GRIP1: variants seen among roughly 807,000 people sequenced by gnomAD.
GRIP1 encodes the protein glutamate receptor-interacting protein 1.
GRIP1 carries 45 observed loss-of-function variants against 129.9 expected under a neutral mutation model. That is an observed-to-expected ratio of 0.35 (90% CI 0.27 to 0.44). The LOEUF is 0.44. Ranked by LOEUF, GRIP1 falls within the 20% of genes least tolerant of loss-of-function variation. The pLI, the probability that GRIP1 is intolerant of heterozygous loss-of-function variation, is 1.00. For synonymous variants in GRIP1, 530 were observed against 520.8 expected (o/e 1.02, Z -0.24); for missense variants, 1,196 against 1,396.8 (o/e 0.86, Z 2.29).
At chr12:66,469,981 T>G (rs1023169509) in intron 7 of GRIP1, among the ~76,000 whole-genome samples, 1 of 152,160 alleles carries the variant, frequency 6.6e-6, no homozygotes, top group East Asian at 1.9e-4. Context: ...CATCCCTGGC[T>G]CCATCTTCTC....
Position 66,970,581 on chromosome 12 carries a change from C to T in GRIP1, c.58+98469G>A, listed in dbSNP as rs1434677961. Among the ~76,000 whole-genome samples, 4 of 131,664 alleles carry T rather than the reference C, an allele frequency of 3.0e-5. No individual in the cohort carries two copies. In the Admixed American group the frequency reaches 3.2e-4, roughly 11 times the overall value. 86.4% of individuals were successfully genotyped at this position (131,664 alleles called of 152,430 possible). Reference sequence around the variant, plus strand: ...TTTCATCTCTCCTGTTGTCTTTGGACTTTCCTGAGACCCCCTCTCCTTGGC... The same window carrying T: ...TTTCATCTCTCCTGTTGTCTTTGGATTTTCCTGAGACCCCCTCTCCTTGGC... On this transcript the variant is annotated intron_variant, in intron 1 of 1. Coordinates refer to the GRIP1 transcript ENST00000643019.
At chr12:66,368,054 C>T (rs542173618) in intron 23 of GRIP1, among the ~76,000 whole-genome samples, 11 of 152,250 alleles carry the variant, frequency 7.2e-5, no homozygotes, top group Non-Finnish European at 1.2e-4. Context: ...TGAGTGAAAA[C>T]CCTTTAGATT....
intron 11 of GRIP1, among the ~76,000 whole-genome samples, chr12:66,453,282 C>A (rs552871028): frequency 6.6e-6 from 1 of 152,296 alleles, no homozygotes; most frequent in South Asian, 2.1e-4. Flanking sequence ...CTAACACAAA[C>A]AAATACTAGC....
chr12:66,361,207 C>T (rs1449300428), intron 23 of GRIP1, among the ~76,000 whole-genome samples: 1 of 152,166 alleles, frequency 6.6e-6, no homozygotes, highest in African/African-American at 2.4e-5. Flanking sequence ...GGTCAGAAGG[C>T]AGCTGCTGCC....
intron 1 of GRIP1, among the ~76,000 whole-genome samples, chr12:67,019,870 G>A (rs901213958): frequency 1.3e-5 from 2 of 151,870 alleles, no homozygotes; most frequent in African/African-American, 4.8e-5. Flanking sequence ...CCCGAAATAA[G>A]AGAAATCATT....
chr12:66,419,506 T>C (rs2057728263), intron 15 of GRIP1, among the ~76,000 whole-genome samples: 2 of 152,304 alleles, frequency 1.3e-5, no homozygotes, highest in Admixed American at 1.3e-4. Flanking sequence ...GTACCCTATT[T>C]TCCATGATGT....
In GRIP1 at chr12:66,601,495, T is replaced by C. The variant is rs367898074; in HGVS notation, c.56-4568A>G. 9.2e-5 allele frequency among the ~76,000 whole-genome samples: 14 copies of C among 152,290 alleles called. No individual in the cohort carries two copies. The East Asian group carries it at 2.5e-3, about 27-fold the overall frequency. On this transcript the variant is annotated intron_variant, in intron 1 of 24. Transcript: ENST00000359742. ...CTGGGCTATGCAGAGGCACCCGATA[T>C]GAATATGGTTTCAGGAATCTCTAGC...
At chr12:66,932,668 TTTTTG>T (rs1047543118) in intron 1 of GRIP1, among the ~76,000 whole-genome samples, 5 of 151,932 alleles carry the variant, frequency 3.3e-5, no homozygotes, top group Admixed American at 2.6e-4. Flanking sequence ...ATGTTTTTTG[TTTTTG>T]TTTTTTGTTT....
At chr12:66,629,761 A>G (rs1004382310) in intron 1 of GRIP1, among the ~76,000 whole-genome samples, 1 of 152,244 alleles carries the variant, frequency 6.6e-6, no homozygotes, top group Non-Finnish European at 1.5e-5. Flanking sequence ...CTTTAAATAT[A>G]CATAGAGCCT....
At chr12:66,394,052 T>G (rs541275728) in intron 17 of GRIP1, among the ~76,000 whole-genome samples, 156 bp downstream of exon 17, 8 of 152,340 alleles carry the variant, frequency 5.3e-5, no homozygotes, top group African/African-American at 1.9e-4. Flanking sequence ...AAGTCGGAAC[T>G]CTGCCTGAGA....
At chr12:66,866,930 C>G (rs983908722) in intron 1 of GRIP1, among the ~76,000 whole-genome samples, 1 of 152,076 alleles carries the variant, frequency 6.6e-6, no homozygotes, top group Admixed American at 6.6e-5. Flanking sequence ...TAAGTATACA[C>G]AATTTTATCT....
chr12:66,646,918 T>C (rs929251374), intron 1 of GRIP1, among the ~76,000 whole-genome samples: 2 of 152,206 alleles, frequency 1.3e-5, no homozygotes, highest in Non-Finnish European at 2.9e-5. Flanking sequence ...TGTAGACCTC[T>C]CTATTCTCAC....
chr12:66,495,027 A>G (rs999175071), intron 7 of GRIP1, among the ~76,000 whole-genome samples: 5 of 152,190 alleles, frequency 3.3e-5, no homozygotes, highest in African/African-American at 1.2e-4. Flanking sequence ...GGTACCTTGT[A>G]CGATGCTTGT....
At chr12:66,600,964 A>G (rs758353139) in intron 1 of GRIP1, among the ~76,000 whole-genome samples, 8 of 152,182 alleles carry the variant, frequency 5.3e-5, no homozygotes, top group Non-Finnish European at 1.2e-4. Context: ...GTCACACATG[A>G]TGGCCCTCCA....
intron 1 of GRIP1, among the ~76,000 whole-genome samples, chr12:66,688,880 C>G (rs1052742565): frequency 6.6e-6 from 1 of 151,900 alleles, no homozygotes; most frequent in Non-Finnish European, 1.5e-5. Flanking sequence ...CCGTGAAAAA[C>G]CATGGAAAAG....
intron 1 of GRIP1, among the ~76,000 whole-genome samples, chr12:66,897,262 A>T (rs2040765951): frequency 6.6e-6 from 1 of 152,152 alleles, no homozygotes; most frequent in Non-Finnish European, 1.5e-5. Context: ...GCGCTCACTG[A>T]AAGTGCCCTA....
chr12:67,025,097 G>A (rs1204322536), intron 1 of GRIP1, among the ~76,000 whole-genome samples: 2 of 152,166 alleles, frequency 1.3e-5, no homozygotes, highest in African/African-American at 4.8e-5. Context: ...CCAGCACTTT[G>A]GGGGGCCAAG....
intron 1 of GRIP1, among the ~76,000 whole-genome samples, chr12:66,628,818 G>A (rs540347182): frequency 1.3e-5 from 2 of 152,206 alleles, no homozygotes; most frequent in African/African-American, 2.4e-5. Context: ...AGAATGATCC[G>A]GCCCAAAATG....
chr12:66,950,843 T>C (rs1487034389), intron 1 of GRIP1, among the ~76,000 whole-genome samples: 2 of 152,230 alleles, frequency 1.3e-5, no homozygotes, highest in Non-Finnish European at 2.9e-5. Context: ...CAGTGGCCAA[T>C]GTGTAGGTTG....
Sources: allele counts gnomAD v4.1 joint callset (sites outside exome capture counted in the v4.1 genomes callset), GRCh38; gene constraint gnomAD v4.1.1; transcripts MANE v1.5; gene names NCBI Gene and HGNC (gene_info 2026-07-23, HGNC 2026-07-21).